HPSE2: variants seen among roughly 807,000 people sequenced by gnomAD.
HPSE2 encodes heparanase 2 (inactive), also known as inactive heparanase-2.
A neutral mutation model predicts 60.5 loss-of-function variants in HPSE2; 38 were observed. The ratio of observed to expected loss-of-function variants is 0.63; its 90% CI spans 0.48 to 0.82. The LOEUF is 0.82. HPSE2 is among the 40% of genes least tolerant of loss of function. The probability of loss-of-function intolerance (pLI) is 0.00; values close to 1 mark genes in which losing one functional copy is unlikely to be tolerated. For missense variants in HPSE2, 713 were observed against 740.4 expected, an observed-to-expected ratio of 0.96 and a Z score of 0.43; for synonymous variants, 295 against 293.2, an observed-to-expected ratio of 1.01 and a Z score of -0.06.
the HPSE2 span, among the ~76,000 whole-genome samples, chr10:99,287,311 A>G: frequency 6.6e-6 from 1 of 152,106 alleles, no homozygotes; most frequent in Non-Finnish European, 1.5e-5. Flanking sequence ...GACAATTGTG[A>G]AAGAAGAGAA....
chr10:98,827,442 G>C (rs7915344), intron 3 of HPSE2, among the ~76,000 whole-genome samples: 2 of 151,960 alleles, frequency 1.3e-5, no homozygotes, highest in Admixed American at 6.5e-5. Flanking sequence ...TCCTGACTTC[G>C]TGATCCGCCC....
intron 9 of HPSE2, among the ~76,000 whole-genome samples, chr10:98,511,160 T>G (rs1361016468): frequency 3.3e-5 from 5 of 151,548 alleles, no homozygotes; most frequent in African/African-American, 1.2e-4. Context: ...TGTTTTTTGT[T>G]TTTTTTTTGA....
At chr10:99,275,244 C>T in the HPSE2 span, among the ~76,000 whole-genome samples, 4 of 152,180 alleles carry the variant, frequency 2.6e-5, no homozygotes, top group South Asian at 2.1e-4. Flanking sequence ...AAGATAAAGA[C>T]AAACTGAGGT....
At chr10:99,000,923 T>C (rs1425720551) in intron 3 of HPSE2, among the ~76,000 whole-genome samples, 6 of 152,078 alleles carry the variant, frequency 3.9e-5, no homozygotes, top group Non-Finnish European at 8.8e-5. Flanking sequence ...GTCCCCTGCG[T>C]GCACAGTGTT....
chr10:99,128,665 T>C (rs1200107572), intron 3 of HPSE2, among the ~76,000 whole-genome samples: 1 of 151,880 alleles, frequency 6.6e-6, no homozygotes, highest in Non-Finnish European at 1.5e-5. Flanking sequence ...AAACAACACA[T>C]ACTGGGGCCT....
intron 3 of HPSE2, among the ~76,000 whole-genome samples, chr10:98,836,945 G>A (rs1244991328): frequency 1.3e-5 from 2 of 152,110 alleles, no homozygotes; most frequent in East Asian, 1.9e-4. Context: ...AGGCTGAGGA[G>A]GGAGAATTGC....
At chr10:98,778,297 A>AGAGAGAGAGAGAGAGAG (rs1950390702) in intron 3 of HPSE2, among the ~76,000 whole-genome samples, 4 of 150,748 alleles carry the variant, frequency 2.7e-5, no homozygotes, top group Non-Finnish European at 5.9e-5. Flanking sequence ...AGAGAGAGAG[A>AGAGAGAGAGAGAGAGAG]AAGCAAGAAA....
At chr10:98,842,459 A>G (rs1221731742) in intron 3 of HPSE2, among the ~76,000 whole-genome samples, 1 of 151,814 alleles carries the variant, frequency 6.6e-6, no homozygotes, top group African/African-American at 2.4e-5. Flanking sequence ...TCAATGATGT[A>G]AAGTTGAATT....
At chr10:98,527,483 G>T (rs1417665685) in intron 9 of HPSE2, among the ~76,000 whole-genome samples, 2 of 151,996 alleles carry the variant, frequency 1.3e-5, no homozygotes, top group Non-Finnish European at 2.9e-5. Flanking sequence ...AGGCCCCTGC[G>T]CAAGACGGTG....
In HPSE2 at chr10:98,692,740, G is replaced by T. The variant is rs1012757198; in HGVS notation, c.1004+1160C>A. Among the ~76,000 whole-genome samples the T allele has an allele frequency of 2.2e-4, 33 of 151,902 alleles. 2 individuals are homozygous for T. In the South Asian group the frequency reaches 6.8e-3, roughly 32 times the overall value. ...GCCGAGATCGCGCCACTGCACTCCA[G>T]CCTGGGCGACAGAGCGAGACTCTGT... On this transcript the variant is annotated intron_variant, in intron 6 of 11. Coordinates refer to ENST00000370552, the MANE Select transcript of HPSE2 (RefSeq NM_021828.5).
intron 3 of HPSE2, among the ~76,000 whole-genome samples, chr10:98,749,903 A>G (rs1248404031): frequency 7.6e-6 from 1 of 130,854 alleles, no homozygotes; most frequent in African/African-American, 2.7e-5. Context: ...TGTGTAATTT[A>G]TATATTTTAT....
chr10:98,840,535 A>G (rs141660455), intron 3 of HPSE2, among the ~76,000 whole-genome samples: 1 of 152,316 alleles, frequency 6.6e-6, no homozygotes, highest in East Asian at 1.9e-4. Context: ...GTGGGAACAG[A>G]GAAGACAGCA....
chr10:98,465,034 T>C (rs1940468550), intron 11 of HPSE2, among the ~76,000 whole-genome samples: 1 of 152,356 alleles, frequency 6.6e-6, no homozygotes, highest in Middle Eastern at 3.4e-3. Flanking sequence ...TCCTCATACA[T>C]CCTTATCCAC....
chr10:98,947,598 A>G (rs938474348), intron 3 of HPSE2, among the ~76,000 whole-genome samples: 1 of 152,176 alleles, frequency 6.6e-6, no homozygotes, highest in Non-Finnish European at 1.5e-5. Flanking sequence ...ATTCTAGAAT[A>G]AAATGCCACA....
At chr10:99,129,447 A>G (rs964726144) in intron 3 of HPSE2, among the ~76,000 whole-genome samples, 1 of 152,184 alleles carries the variant, frequency 6.6e-6, no homozygotes, top group Non-Finnish European at 1.5e-5. Flanking sequence ...CTCAGAACAC[A>G]GTGAATAAAA....
chr10:98,692,381 T>C (rs573059), intron 6 of HPSE2, among the ~76,000 whole-genome samples: 53,708 of 151,918 alleles, frequency 0.35, 9,722 homozygotes, highest in Admixed American at 0.41. Context: ...TGTGGAGAGT[T>C]TGGCTTTTGC....
intron 11 of HPSE2, among the ~76,000 whole-genome samples, chr10:98,461,533 G>A (rs994271790): frequency 2.0e-5 from 3 of 152,214 alleles, no homozygotes; most frequent in Non-Finnish European, 4.4e-5. Flanking sequence ...AGGGTGAGGA[G>A]AGTGGTTCAG....
At chr10:98,604,936 C>T (rs1945533926) in intron 9 of HPSE2, among the ~76,000 whole-genome samples, 1 of 152,194 alleles carries the variant, frequency 6.6e-6, no homozygotes, top group East Asian at 1.9e-4. Flanking sequence ...TCCTGGTCTT[C>T]CAGTAGGTGA....
chr10:99,028,564 G>A (rs1957428954), intron 3 of HPSE2, among the ~76,000 whole-genome samples: 1 of 152,082 alleles, frequency 6.6e-6, no homozygotes, highest in African/African-American at 2.4e-5. Context: ...ACTGCCCAAA[G>A]CAATTTATAG....
Sources: allele counts gnomAD v4.1 joint callset (sites outside exome capture counted in the v4.1 genomes callset), GRCh38; gene constraint gnomAD v4.1.1; transcripts MANE v1.5; gene names NCBI Gene and HGNC (gene_info 2026-07-23, HGNC 2026-07-21).